The following BBS9 variants were observed in gnomAD, a reference collection of about 807,000 sequenced individuals.
BBS9 encodes Bardet-Biedl syndrome 9.
In BBS9, 89 loss-of-function variants were observed where a neutral mutation model predicts 117.7. The ratio of observed to expected loss-of-function variants is 0.76; its 90% CI spans 0.64 to 0.90. BBS9 has a LOEUF of 0.90. Ranked by LOEUF, BBS9 falls within the 40% of genes least tolerant of loss-of-function variation. BBS9 has a pLI of 0.00. For missense variants in BBS9, 982 were observed against 1,042.2 expected, an observed-to-expected ratio of 0.94 and a Z score of 0.80; for synonymous variants, 379 against 370.9, an observed-to-expected ratio of 1.02 and a Z score of -0.25.
At chr7:33,319,120 G>A (rs986063391) in intron 9 of BBS9, among the ~76,000 whole-genome samples, 6 of 150,378 alleles carry the variant, frequency 4.0e-5, no homozygotes, top group Admixed American at 2.0e-4. Flanking sequence ...CCAAGATCGC[G>A]CCACTGCCCT....
chr7:33,447,779 A>G (rs1184551039), intron 19 of BBS9, among the ~76,000 whole-genome samples: 1 of 152,206 alleles, frequency 6.6e-6, no homozygotes, highest in African/African-American at 2.4e-5. Context: ...CCCTTGGTAT[A>G]TAGCAGGTTA....
At chr7:33,291,940 A>G (rs2128401503) in intron 9 of BBS9, among the ~76,000 whole-genome samples, 1 of 152,256 alleles carries the variant, frequency 6.6e-6, no homozygotes, top group East Asian at 1.9e-4. Context: ...GGGGAGAACT[A>G]CCTTCTCCAG....
At chr7:33,166,707 C>T (rs1011395543) in intron 4 of BBS9, among the ~76,000 whole-genome samples, 1 of 152,214 alleles carries the variant, frequency 6.6e-6, no homozygotes, top group African/African-American at 2.4e-5. Flanking sequence ...GATATAATCT[C>T]CTGGTGTGCC....
At chr7:33,329,073 T>C (rs1584348358) in intron 9 of BBS9, among the ~76,000 whole-genome samples, 1 of 152,056 alleles carries the variant, frequency 6.6e-6, no homozygotes, top group African/African-American at 2.4e-5. Flanking sequence ...CAGGCTGGAG[T>C]GCAGTGGCGC....
At chr7:33,326,124 G>A (rs1021847409) in intron 9 of BBS9, among the ~76,000 whole-genome samples, 1 of 152,220 alleles carries the variant, frequency 6.6e-6, no homozygotes, top group East Asian at 1.9e-4. Flanking sequence ...CTCTCTGGGA[G>A]CCAGGGTCTG....
intron 9 of BBS9, among the ~76,000 whole-genome samples, chr7:33,297,537 T>C (rs1394779209): frequency 6.6e-6 from 1 of 152,148 alleles, no homozygotes; most frequent in East Asian, 1.9e-4. Context: ...TCATATACCT[T>C]AATCTGGAAA....
At chr7:33,623,983 A>G (rs1372706577) in intron 21 of BBS9, among the ~76,000 whole-genome samples, 1 of 78,940 alleles carries the variant, frequency 1.3e-5, no homozygotes, top group Non-Finnish European at 3.6e-5. Context: ...TCATTCTATT[A>G]TTAAAAAAAA....
downstream of BBS9, among the ~76,000 whole-genome samples, chr7:33,609,170 G>A (rs1864739965): frequency 1.3e-5 from 2 of 152,022 alleles, no homozygotes; most frequent in South Asian, 2.1e-4. Context: ...ATGGCTGTAG[G>A]CGTGTGACTT....
chr7:33,137,079 C>T (rs1790599963), intron 1 of BBS9, among the ~76,000 whole-genome samples: 1 of 152,080 alleles, frequency 6.6e-6, no homozygotes. Flanking sequence ...GTGGATTATA[C>T]CCAAGCCCTC....
intron 19 of BBS9, among the ~76,000 whole-genome samples, chr7:33,426,619 A>T (rs1319563277): frequency 1.3e-5 from 2 of 151,926 alleles, no homozygotes; most frequent in African/African-American, 4.8e-5. Flanking sequence ...TCTGCTGGGG[A>T]TTCACTAAGC....
intron 19 of BBS9, among the ~76,000 whole-genome samples, chr7:33,405,170 C>A (rs1829694202): frequency 6.6e-6 from 1 of 152,184 alleles, no homozygotes; most frequent in African/African-American, 2.4e-5. Flanking sequence ...TATATTGAAC[C>A]AGCCTTGCAT....
chr7:33,610,211 C>T (rs1464711631), downstream of BBS9, among the ~76,000 whole-genome samples: 1 of 151,992 alleles, frequency 6.6e-6, no homozygotes, highest in Non-Finnish European at 1.5e-5. Flanking sequence ...TTAATTTCCT[C>T]CATGGTTGAA....
At chr7:33,431,124 G>A (rs139637918) in intron 19 of BBS9, among the ~76,000 whole-genome samples, 2 of 151,920 alleles carry the variant, frequency 1.3e-5, no homozygotes, top group East Asian at 3.9e-4. Flanking sequence ...GAGCCTGGGA[G>A]GCAGAGGTTG....
chr7:33,537,015 T>C (rs1292300134), intron 21 of BBS9, among the ~76,000 whole-genome samples: 4 of 151,976 alleles, frequency 2.6e-5, no homozygotes, highest in African/African-American at 9.7e-5. Flanking sequence ...TGAATAAGCA[T>C]AAAAGTTTTT....
intron 19 of BBS9, among the ~76,000 whole-genome samples, chr7:33,405,807 A>G (rs1230434673): frequency 6.6e-6 from 1 of 152,052 alleles, no homozygotes. Flanking sequence ...TCCTGGATTC[A>G]TTAATTTTTT....
intron 21 of BBS9, among the ~76,000 whole-genome samples, chr7:33,580,323 G>A (rs1001304852): frequency 6.6e-6 from 1 of 151,628 alleles, no homozygotes; most frequent in African/African-American, 2.4e-5. Flanking sequence ...CTCGAGAAAA[G>A]AAAGTTAATC....
Position 33,417,242 on chromosome 7 carries a change from C to T in BBS9, c.2115+29098C>T, listed in dbSNP as rs180943027. Among the ~76,000 whole-genome samples the T allele has an allele frequency of 4.6e-5, 7 of 152,276 alleles. No homozygotes were observed. The East Asian group carries it at 1.4e-3, about 29-fold the overall frequency. ...CTGATTCAGTTCTATTTTAGTACAT[C>T]ATGGGCTAAGGGTCTTTGTGGATGG... On this transcript the variant is annotated intron_variant, in intron 19 of 22. Coordinates refer to ENST00000242067, the MANE Select transcript of BBS9 (RefSeq NM_198428.3).
chr7:33,478,453 T>G (rs1162914159), intron 19 of BBS9, among the ~76,000 whole-genome samples: 2 of 152,224 alleles, frequency 1.3e-5, no homozygotes, highest in Non-Finnish European at 2.9e-5. Context: ...CCATGGTAAT[T>G]CTTACATTTC....
intron 1 of BBS9, among the ~76,000 whole-genome samples, chr7:33,133,825 C>T (rs1790005874): frequency 6.6e-6 from 1 of 152,106 alleles, no homozygotes; most frequent in East Asian, 1.9e-4. Context: ...ACTTCAGTGT[C>T]AGATTGCTGG....
Sources: gnomAD v4.1 joint callset for allele counts (sites outside exome capture counted in the v4.1 genomes callset) on GRCh38, gnomAD v4.1.1 for gene constraint, MANE v1.5 for transcripts, NCBI Gene and HGNC (gene_info 2026-07-23, HGNC 2026-07-21) for gene names.